VPS35L: variants seen among roughly 807,000 people sequenced by gnomAD.
VPS35L encodes VPS35 endosomal protein sorting factor like.
In VPS35L, 83 loss-of-function variants were observed where a neutral mutation model predicts 133.0. That is an observed-to-expected ratio of 0.62 (90% confidence interval 0.52 to 0.75). The LOEUF (loss-of-function observed/expected upper bound fraction) is 0.75, where lower values mean the gene tolerates loss of function less well. Among genes scored for constraint, VPS35L ranks in the 30% least tolerant of loss-of-function variants. The probability of loss-of-function intolerance (pLI) is 0.00; values close to 1 mark genes in which losing one functional copy is unlikely to be tolerated. For missense variants in VPS35L, 1,083 were observed against 1,206.8 expected (o/e 0.90, Z 1.52); for synonymous variants, 423 against 449.9 (o/e 0.94, Z 0.76).
At chr16:19,614,861 G>A (rs1456249553) in intron 12 of VPS35L, among the ~76,000 whole-genome samples, 1 of 152,130 alleles carries the variant, frequency 6.6e-6, no homozygotes, top group South Asian at 2.1e-4. Flanking sequence ...CCCAGTACTG[G>A]CACCTTCTCT....
Position 19,610,399 on chromosome 16 carries a change from G to A in VPS35L, c.1007G>A (p.Arg336His), listed in dbSNP as rs1425420300. 9.3e-6 allele frequency: 15 copies of A among 1,613,752 alleles called. No individual in the cohort carries two copies. The highest frequency in any genetic ancestry group is 2.2e-5 in the South Asian group (2 of 91,004). ...IGDPLVSVYA[R>H]AYLCRVGMEV... ...GACCCACTAGTGTCGGTGTATGCCC[G>A]TGCCTACCTGTGCCGGGTAGGCCAT... The change falls in exon 12 of 31, where the codon CGT becomes CAT. Residue 336 changes from arginine to histidine, a missense_variant. Coordinates refer to ENST00000417362, the MANE Select transcript of VPS35L (RefSeq NM_020314.7).
intron 28 of VPS35L, among the ~76,000 whole-genome samples, chr16:19,690,549 G>A (rs1375391331): frequency 6.6e-6 from 1 of 152,220 alleles, no homozygotes; most frequent in Non-Finnish European, 1.5e-5. Context: ...TGACAGGGCA[G>A]GCAGCTGGAT....
intron 12 of VPS35L, among the ~76,000 whole-genome samples, chr16:19,615,477 C>T (rs1972854930): frequency 1.3e-5 from 2 of 151,514 alleles, no homozygotes; most frequent in Admixed American, 1.3e-4. Flanking sequence ...TGGTGAAACC[C>T]CGTCTCTACT....
In VPS35L at chr16:19,637,666, A is replaced by G; in HGVS notation, c.1698+10A>G. On this transcript the variant is annotated intron_variant, in intron 20 of 30. Transcript: ENST00000417362. ...AGTTCTTTTCTCAGTGGTAAGTAGG[A>G]TTTCTTAATTATCTTTGGAAATTTG... The G allele has an allele frequency of 6.4e-7, 1 of 1,553,316 alleles. No individual in the cohort carries two copies. The highest frequency in any genetic ancestry group is 8.8e-7 in the Non-Finnish European group (1 of 1,140,196).
Position 19,682,517 on chromosome 16 carries a change from G to A in VPS35L, c.2527+127G>A, listed in dbSNP as rs991349554. ...AGCTTCCATGAACTTCTAGTCCAGG[G>A]TCTCACTGTATTTACCTGATCTAAG... On this transcript the variant is annotated intron_variant, in intron 28 of 30. Coordinates refer to ENST00000417362, the MANE Select transcript of VPS35L (RefSeq NM_020314.7). 45 of 1,075,938 alleles carry A rather than the reference G, an allele frequency of 4.2e-5. No homozygotes were observed. The African/African-American group carries it at 6.7e-4, about 16-fold the overall frequency. The allele number at this position is 1,075,938 out of a possible 1,614,324, so 66.6% of individuals were successfully genotyped here.
chr16:19,650,450 A>T lies in VPS35L; in HGVS notation c.2097A>T (p.Ala699=). 1.2e-6 allele frequency: 2 copies of T among 1,613,382 alleles called. No individual in the cohort carries two copies. The highest frequency in any genetic ancestry group is 8.5e-7 in the Non-Finnish European group (1 of 1,179,338). ...MKGNHSRKTA[A]FVRACVAYCF... ...GAAATCATTCCAGAAAGACAGCTGC[A>T]TTTGTCCGGGTATGTTCTTAAGATA... is the stretch of plus-strand genomic sequence containing the variant. The change falls in exon 25 of 31, where the codon GCA becomes GCT. Residue 699 remains alanine (A), a synonymous_variant. Coordinates refer to ENST00000417362, the MANE Select transcript of VPS35L (RefSeq NM_020314.7).
intron 4 of VPS35L, among the ~76,000 whole-genome samples, chr16:19,573,567 C>G (rs1432861301): frequency 6.6e-6 from 1 of 152,034 alleles, no homozygotes; most frequent in African/African-American, 2.4e-5. Context: ...GCCTGTTATC[C>G]CAGCACTTTG....
At chr16:19,652,554 G>A (rs562867394) in intron 26 of VPS35L, 9 of 164,830 alleles carry the variant, frequency 5.5e-5, no homozygotes, top group Non-Finnish European at 6.6e-5. Flanking sequence ...TTGTTTCTCC[G>A]CTAGGAAGCA....
chr16:19,685,322 T>A (rs1367372964), intron 28 of VPS35L, among the ~76,000 whole-genome samples: 1 of 152,244 alleles, frequency 6.6e-6, no homozygotes, highest in Non-Finnish European at 1.5e-5. Flanking sequence ...CTGCTTTAAC[T>A]CAGCATGATG....
At chr16:19,667,340 C>T (rs766350605) in intron 26 of VPS35L, among the ~76,000 whole-genome samples, 11 of 152,264 alleles carry the variant, frequency 7.2e-5, no homozygotes, top group Non-Finnish European at 1.5e-4. Context: ...TCTATCAGAA[C>T]GGACATCAGG....
At position 19,616,209 on chromosome 16, in the gene VPS35L, G is replaced by C. The variant is rs925592327; in HGVS notation, c.1101+18G>C. ...TCAAACAGGTAAGAGAACACTATCAGAATAGCTCATCGATATAACAGTTCT... is the reference window on the plus strand; with the variant it reads ...TCAAACAGGTAAGAGAACACTATCACAATAGCTCATCGATATAACAGTTCT... On this transcript the variant is annotated intron_variant, in intron 13 of 30. Transcript: ENST00000417362. 1 of 1,583,594 alleles carries C rather than the reference G, an allele frequency of 6.3e-7. No homozygotes were observed. Among genetic ancestry groups the C allele is most frequent in the Non-Finnish European group, 8.7e-7 (1 of 1,153,650 alleles).
chr16:19,598,813 G>T (rs1384774209), intron 8 of VPS35L, among the ~76,000 whole-genome samples: 1 of 151,980 alleles, frequency 6.6e-6, no homozygotes, highest in Non-Finnish European at 1.5e-5. Context: ...AAAGAATGTG[G>T]AGATGAAATT....
In VPS35L at chr16:19,652,077, G is replaced by T. The variant is rs1168599151; in HGVS notation, c.2208G>T (p.Gln736His). Residue 736 changes from glutamine to histidine, a missense_variant, in exon 26 of 31, where the codon CAG (glutamine) becomes CAT (histidine). Coordinates refer to ENST00000417362, the MANE Select transcript of VPS35L (RefSeq NM_020314.7). ...LHSGQVALAN[Q>H]CLSQADAFFK... ...CTGGTCAGGTGGCCTTGGCCAACCAGTGCCTCTCCCAAGGTAAGTCCATCA... is the reference window on the plus strand; with the variant it reads ...CTGGTCAGGTGGCCTTGGCCAACCATTGCCTCTCCCAAGGTAAGTCCATCA... The T allele has an allele frequency of 6.3e-7, 1 of 1,596,424 alleles. No individual in the cohort carries two copies. The highest frequency in any genetic ancestry group is 1.7e-5 in the Admixed American group (1 of 58,964).
At chr16:19,559,807 C>T (rs951382845) in intron 1 of VPS35L, among the ~76,000 whole-genome samples, 1 of 152,104 alleles carries the variant, frequency 6.6e-6, no homozygotes, top group Non-Finnish European at 1.5e-5. Context: ...GTGCTTCAGC[C>T]TCCCGAGTAT....
chr16:19,660,036 C>A (rs74011486), intron 26 of VPS35L, among the ~76,000 whole-genome samples: 1 of 152,022 alleles, frequency 6.6e-6, no homozygotes, highest in Non-Finnish European at 1.5e-5. Flanking sequence ...TAAGAACTTA[C>A]GATTTTTGGC....
intron 2 of VPS35L, among the ~76,000 whole-genome samples, chr16:19,567,408 T>C (rs1216314336): frequency 6.6e-6 from 1 of 152,188 alleles, no homozygotes; most frequent in Non-Finnish European, 1.5e-5. Flanking sequence ...GTAGGTCTAA[T>C]GCTCACCTTG....
rs59207667 is a variant in VPS35L at position 19,617,037 on chromosome 16, A to G, written c.1224+229A>G. On this transcript the variant is annotated intron_variant, in intron 14 of 30. Coordinates refer to ENST00000417362, the MANE Select transcript of VPS35L (RefSeq NM_020314.7). ...GGGGAATGTGGTAGCTCCAGAGGCC[A>G]TGTACCTAAGTGAGGCCACACAGCT... 437 of 678,650 alleles carry G rather than the reference A, an allele frequency of 6.4e-4. 1 individual carries two copies. In the African/African-American group the frequency reaches 7.2e-3, roughly 11 times the overall value. 42.0% of individuals were successfully genotyped at this position (678,650 alleles called of 1,614,324 possible). A position where few individuals can be genotyped will look rare whatever the true frequency, so the allele number is the denominator to read the frequency against.
chr16:19,609,071 C>T, intron 11 of VPS35L, 50 bp downstream of exon 11: 1 of 1,470,918 alleles, frequency 6.8e-7, no homozygotes, highest in African/African-American at 1.4e-5. Flanking sequence ...AAAAATCTCC[C>T]ATGTGTACAC....
At chr16:19,620,124 A>G (rs570246830) in intron 14 of VPS35L, among the ~76,000 whole-genome samples, 148 of 152,240 alleles carry the variant, frequency 9.7e-4, no homozygotes, top group Non-Finnish European at 1.5e-3. Flanking sequence ...TCGGGCTGCC[A>G]TAATAAAGCG....
Sources: gnomAD v4.1 joint callset for allele counts (sites outside exome capture counted in the v4.1 genomes callset) on GRCh38, gnomAD v4.1.1 for gene constraint, MANE v1.5 for transcripts, NCBI Gene and HGNC (gene_info 2026-07-23, HGNC 2026-07-21) for gene names.